Variants in ATP9B observed in about 807,000 individuals in gnomAD.
ATP9B encodes the protein probable phospholipid-transporting ATPase IIB.
ATP9B carries 110 observed loss-of-function variants against 146.1 expected under a neutral mutation model. The ratio of observed to expected loss-of-function variants is 0.75; its 90% confidence interval spans 0.65 to 0.88. The LOEUF (loss-of-function observed/expected upper bound fraction) is 0.88. ATP9B is among the 40% of genes least tolerant of loss of function. The pLI is 0.00. For missense variants in ATP9B, 1,499 were observed against 1,496.4 expected (o/e 1.00, Z -0.03); for synonymous variants, 604 against 569.7 (o/e 1.06, Z -0.86).
chr18:79,228,671 C>T (rs1370390527), intron 11 of ATP9B, among the ~76,000 whole-genome samples: 1 of 152,100 alleles, frequency 6.6e-6, no homozygotes, highest in Non-Finnish European at 1.5e-5. Flanking sequence ...GTTCTGGTAT[C>T]AGAGATACTA....
intron 15 of ATP9B, 84 bp downstream of exon 15, chr18:79,307,318 G>A (rs2096625136): frequency 1.3e-6 from 2 of 1,569,246 alleles, no homozygotes; most frequent in Non-Finnish European, 1.7e-6. Context: ...CTGGGATGGG[G>A]AATATAGAGG....
chr18:79,133,610 C>T (rs1427487009), intron 5 of ATP9B, among the ~76,000 whole-genome samples: 3 of 152,234 alleles, frequency 2.0e-5, no homozygotes, highest in Non-Finnish European at 4.4e-5. Flanking sequence ...TACATACACA[C>T]ACACTCAAGT....
chr18:79,362,729 A>C (rs2096997630), intron 26 of ATP9B: 1 of 152,230 alleles, frequency 6.6e-6, no homozygotes, highest in Non-Finnish European at 1.5e-5. Flanking sequence ...CGTGGTCCCA[A>C]AATATCTCAG....
At chr18:79,181,501 C>T (rs1327582223) in intron 8 of ATP9B, among the ~76,000 whole-genome samples, 2 of 152,100 alleles carry the variant, frequency 1.3e-5, no homozygotes, top group African/African-American at 4.8e-5. Context: ...AGTCTAACTA[C>T]TCATATTAAA....
At position 79,197,477 on chromosome 18, in the gene ATP9B, A is replaced by T. The variant is rs80248537; in HGVS notation, c.954+4214A>T. Among the ~76,000 whole-genome samples, 457 of 152,168 alleles carry T rather than the reference A, an allele frequency of 3.0e-3. 13 individuals carry two copies. In the East Asian group the frequency reaches 0.073, roughly 24 times the overall value. ...TAAGGTCATATAACTAAAAAATAGA[A>T]CCTTAAAGCCATTCTGTTAGGGTGG... On this transcript the variant is annotated intron_variant, in intron 9 of 29. Transcript: ENST00000426216.
At chr18:79,352,231 T>C (rs921817093) in intron 25 of ATP9B, among the ~76,000 whole-genome samples, 2 of 152,222 alleles carry the variant, frequency 1.3e-5, no homozygotes, top group Non-Finnish European at 2.9e-5. Context: ...GTGACTCAGA[T>C]GGATAGCCTG....
chr18:79,175,151 C>T (rs545422840), intron 7 of ATP9B, among the ~76,000 whole-genome samples: 51 of 145,418 alleles, frequency 3.5e-4, no homozygotes, highest in African/African-American at 1.2e-3. Flanking sequence ...CAGTGAGCCG[C>T]GATTGTGCCA....
intron 11 of ATP9B, 99 bp from the exon 12 acceptor site, chr18:79,253,282 T>TA (rs1306845719): frequency 8.6e-7 from 1 of 1,156,998 alleles, no homozygotes; most frequent in Non-Finnish European, 1.2e-6. Flanking sequence ...CAATAAATTT[T>TA]AAAGTTTTTT....
At chr18:79,125,797 A>G (rs1406382204) in intron 4 of ATP9B, among the ~76,000 whole-genome samples, 1 of 152,206 alleles carries the variant, frequency 6.6e-6, no homozygotes, top group African/African-American at 2.4e-5. Context: ...TTATATAATA[A>G]TGCACTATGT....
intron 17 of ATP9B, among the ~76,000 whole-genome samples, chr18:79,335,628 G>A (rs1161170152): frequency 1.3e-5 from 2 of 152,134 alleles, no homozygotes; most frequent in Non-Finnish European, 2.9e-5. Context: ...TGTGAGCTTT[G>A]GGATCTGGCC....
chr18:79,206,828 G>C (rs1386096041), intron 9 of ATP9B, 109 bp from the exon 10 acceptor site: 18 of 997,302 alleles, frequency 1.8e-5, no homozygotes, highest in Admixed American at 1.4e-4. Flanking sequence ...TTGCACTGCT[G>C]TTCACTTGGA....
At chr18:79,087,892 C>G (rs1303020416) in intron 1 of ATP9B, among the ~76,000 whole-genome samples, 1 of 152,088 alleles carries the variant, frequency 6.6e-6, no homozygotes, top group African/African-American at 2.4e-5. Context: ...TGTTTTTACT[C>G]ATTTTAAAAA....
chr18:79,270,507 C>T (rs2096244418), intron 12 of ATP9B, among the ~76,000 whole-genome samples: 2 of 122,500 alleles, frequency 1.6e-5, no homozygotes, highest in South Asian at 5.2e-4. Flanking sequence ...ACGTGTGACT[C>T]CTCTTAAATA....
At chr18:79,197,762 C>T (rs997855704) in intron 9 of ATP9B, among the ~76,000 whole-genome samples, 2 of 152,118 alleles carry the variant, frequency 1.3e-5, no homozygotes, top group Non-Finnish European at 2.9e-5. Context: ...AAACAAAGAG[C>T]AGCAAAGAGC....
intron 2 of ATP9B, among the ~76,000 whole-genome samples, chr18:79,097,190 G>A (rs543196243): frequency 4.0e-5 from 6 of 150,428 alleles, no homozygotes; most frequent in Non-Finnish European, 8.9e-5. Flanking sequence ...GAAAATTAGT[G>A]ACTTTATAGC....
chr18:79,112,376 C>T (rs777885888), intron 3 of ATP9B, among the ~76,000 whole-genome samples: 6 of 152,060 alleles, frequency 3.9e-5, no homozygotes, highest in East Asian at 3.8e-4. Context: ...TAATTAGAGG[C>T]GTTTGTAAAT....
rs570136669 is a variant in ATP9B at position 79,313,712 on chromosome 18, G to C, written c.1773+6478G>C. 4.6e-5 allele frequency among the ~76,000 whole-genome samples: 7 copies of C among 152,178 alleles called. 1 individual carries two copies. Among genetic ancestry groups the C allele is most frequent in the African/African-American group, 1.7e-4 (7 of 41,516 alleles). On this transcript the variant is annotated intron_variant, in intron 15 of 29. Transcript: ENST00000426216. Reference sequence around the variant, plus strand: ...ACAATAGAGATTTCATTGACTCCAAGATTATTAAAAATTTAGAGAAACTAT... The same window carrying C: ...ACAATAGAGATTTCATTGACTCCAACATTATTAAAAATTTAGAGAAACTAT...
intron 15 of ATP9B, among the ~76,000 whole-genome samples, chr18:79,325,639 T>G (rs1470317075): frequency 6.6e-6 from 1 of 152,104 alleles, no homozygotes; most frequent in Non-Finnish European, 1.5e-5. Flanking sequence ...TGCAGGCCTC[T>G]CAAAAGCATG....
At chr18:79,368,524 C>T (rs2097049166) in intron 26 of ATP9B, among the ~76,000 whole-genome samples, 1 of 152,240 alleles carries the variant, frequency 6.6e-6, no homozygotes, top group South Asian at 2.1e-4. Flanking sequence ...CCTTTAGGTG[C>T]ACACTCTCTG....
Sources: gnomAD v4.1 joint callset for allele counts (sites outside exome capture counted in the v4.1 genomes callset) on GRCh38, gnomAD v4.1.1 for gene constraint, MANE v1.5 for transcripts, NCBI Gene and HGNC (gene_info 2026-07-23, HGNC 2026-07-21) for gene names.